Variants in ZNF43 observed in about 807,000 individuals in gnomAD.
The protein encoded by ZNF43 is zinc finger protein 39-like 1 (KOX 27).
Under a neutral mutation model 68.4 loss-of-function variants are expected in ZNF43, and 44 were observed. The ratio of observed to expected loss-of-function variants is 0.64; its 90% confidence interval spans 0.51 to 0.83. The LOEUF (loss-of-function observed/expected upper bound fraction) is 0.83, where lower values mean the gene tolerates loss of function less well. Among genes scored for constraint, ZNF43 ranks in the 40% least tolerant of loss-of-function variants. The probability of loss-of-function intolerance (pLI) is 0.00; values close to 1 mark genes in which losing one functional copy is unlikely to be tolerated. For synonymous variants in ZNF43, 308 were observed against 307.8 expected (o/e 1.00, Z -0.01); for missense variants, 896 against 933.2 (o/e 0.96, Z 0.52).
chr19:21,828,313 T>C (rs2435000), intron 1 of ZNF43, among the ~76,000 whole-genome samples: 86,044 of 152,152 alleles, frequency 0.57, 25,694 homozygotes, highest in African/African-American at 0.77. Context: ...GGCATGGTGA[T>C]TCATGCCTGT....
intron 1 of ZNF43, among the ~76,000 whole-genome samples, chr19:21,851,749 G>C (rs547353731): frequency 1.7e-4 from 26 of 152,238 alleles, no homozygotes; most frequent in African/African-American, 6.0e-4. Context: ...GACGCGGGAG[G>C]CTCGGCTGCG....
At chr19:21,812,929 T>G (rs1437643101) in intron 3 of ZNF43, among the ~76,000 whole-genome samples, 1 of 112,018 alleles carries the variant, frequency 8.9e-6, no homozygotes, top group African/African-American at 5.0e-5. Context: ...TGTGACTCCA[T>G]CTCAAAAAAA....
upstream of ZNF43, chr19:21,839,735 T>C (rs1967384042): frequency 6.6e-6 from 1 of 152,118 alleles, no homozygotes; most frequent in Admixed American, 6.5e-5. Flanking sequence ...AAAGTCACAT[T>C]ATATGGATGA....
intron 1 of ZNF43, among the ~76,000 whole-genome samples, chr19:21,827,910 C>T (rs934033076): frequency 2.0e-5 from 3 of 152,146 alleles, no homozygotes; most frequent in Non-Finnish European, 4.4e-5. Context: ...ATCCACCCGC[C>T]TCAGCCTTCC....
At position 21,822,499 on chromosome 19, in the gene ZNF43, G is replaced by C. The variant is rs938351491; in HGVS notation, c.4-3278C>G. Among the ~76,000 whole-genome samples, 7 of 152,262 alleles carry C rather than the reference G, an allele frequency of 4.6e-5. No homozygotes were observed. In the East Asian group the frequency reaches 1.4e-3, roughly 29 times the overall value. On this transcript the variant is annotated intron_variant, in intron 1 of 3. Transcript: ENST00000354959. ...CTGAACAGAAAAAAAGCAGAGAGAT[G>C]AACCTATGTAGAATTCTGTTCCGTG... is the stretch of plus-strand genomic sequence containing the variant.
At chr19:21,845,370 A>C (rs1164093345) in intron 1 of ZNF43, 1 of 152,072 alleles carries the variant, frequency 6.6e-6, no homozygotes, top group Non-Finnish European at 1.5e-5. Context: ...CTAATGTCAG[A>C]CTCAGTAATA....
At chr19:21,842,406 T>G (rs1967604711) in intron 1 of ZNF43, among the ~76,000 whole-genome samples, 1 of 86,482 alleles carries the variant, frequency 1.2e-5, no homozygotes, top group South Asian at 3.1e-4. Flanking sequence ...AGACTCCATC[T>G]CAAAAAAAAA....
chr19:21,811,486 G>A (rs2037266123), intron 3 of ZNF43, among the ~76,000 whole-genome samples: 1 of 148,054 alleles, frequency 6.8e-6, no homozygotes, highest in South Asian at 2.1e-4. Flanking sequence ...AGTGAGCCAA[G>A]ATCATGCCAC....
At chr19:21,833,067 TACC>T (rs1444169797) in intron 1 of ZNF43, among the ~76,000 whole-genome samples, 3 of 152,202 alleles carry the variant, frequency 2.0e-5, no homozygotes, top group African/African-American at 4.8e-5. Flanking sequence ...ACCACTTATA[TACC>T]ACGTTTTCTT....
intron 3 of ZNF43, among the ~76,000 whole-genome samples, chr19:21,817,416 T>C (rs994951106): frequency 6.6e-6 from 1 of 152,182 alleles, no homozygotes; most frequent in Non-Finnish European, 1.5e-5. Flanking sequence ...ATTCATAATT[T>C]CATATTATTT....
At chr19:21,833,950 C>A (rs774403842) in intron 1 of ZNF43, among the ~76,000 whole-genome samples, 1 of 151,986 alleles carries the variant, frequency 6.6e-6, no homozygotes, top group East Asian at 2.0e-4. Context: ...TCGCTTGAAC[C>A]CAGGAGGCAG....
Position 21,809,644 on chromosome 19 carries a change from A to G in ZNF43, c.393T>C (p.Tyr131=). 1 of 1,612,742 alleles carries G rather than the reference A, an allele frequency of 6.2e-7. No homozygotes were observed. Among genetic ancestry groups the G allele is most frequent in the Non-Finnish European group, 8.5e-7 (1 of 1,179,496 alleles). The change falls in exon 4 of 4, where the codon TAT becomes TAC. Residue 131 remains tyrosine (Y), a synonymous_variant. Transcript: ENST00000354959. The stretch of plus-strand genomic sequence containing the variant: ...CTGGCAAACATTGGTTAAATCCATT[A>G]TAACCTCCTCTGTGCACCTTACACT... ...VDECKVHRGG[Y]NGFNQCLPAT...
In ZNF43 at chr19:21,851,835, T is replaced by G. The variant is rs576083614; in HGVS notation, c.30+70A>C. ...GCGACCAGGACTCAGGAGCGGACTG[T>G]GAGGAGGCCGGTCCCGCCACTTTCA... On this transcript the variant is annotated intron_variant, in intron 1 of 3. Coordinates refer to the ZNF43 transcript ENST00000357491. 3,912 of 1,491,084 alleles carry G rather than the reference T, an allele frequency of 2.6e-3. 8 individuals are homozygous for G. Among genetic ancestry groups the G allele is most frequent in the Non-Finnish European group, 3.1e-3 (3,391 of 1,111,698 alleles). 92.4% of individuals were successfully genotyped at this position (1,491,084 alleles called of 1,614,324 possible). A position where few individuals can be genotyped will look rare whatever the true frequency, so the allele number is the denominator to read the frequency against.
rs1162841291 is a variant in ZNF43 at position 21,808,315 on chromosome 19, AG to A, written c.1721del (p.Ala574ValfsTer69). 1 of 1,612,486 alleles carries A rather than the reference AG, an allele frequency of 6.2e-7. No individual in the cohort carries two copies. Among genetic ancestry groups the A allele is most frequent in the Middle Eastern group, 1.7e-4 (1 of 6,046 alleles). The part of the protein sequence containing the change: ...KPYKCEECGK[A>X]FTQSSNLTTH... ...TAGTAAGGTTTGAGGATTGGGTAAA[AG>A]CTTTGCCACATTCTTCACACTTGTA... On this transcript the variant is annotated frameshift_variant, in exon 4 of 4. Coordinates refer to ENST00000354959, the MANE Select transcript of ZNF43 (RefSeq NM_003423.4). LOFTEE classifies it high-confidence loss of function.
chr19:21,841,435 C>G (rs142119573), intron 1 of ZNF43: 1 of 152,200 alleles, frequency 6.6e-6, no homozygotes. Flanking sequence ...AACAAAGTCA[C>G]GTTACTTGGT....
chr19:21,809,680 T>G lies in ZNF43; in HGVS notation c.357A>C (p.Lys119Asn). The change falls in exon 4 of 4, where the codon AAA (lysine) becomes AAC (asparagine). Residue 119 changes from lysine (K) to asparagine (N), a missense_variant. Physicochemically the swap from Lys to Asn is moderately conservative, Grantham distance 94. Coordinates refer to ENST00000354959, the MANE Select transcript of ZNF43 (RefSeq NM_003423.4). ...HKNVHLKKDH[K>N]SVDECKVHRG... ...TGTGCACCTTACACTCATCCACACT[T>G]TTATGGTCTTTTTTTAAATGTACAT... 1 of 1,613,488 alleles carries G rather than the reference T, an allele frequency of 6.2e-7. No homozygotes were observed. Among genetic ancestry groups the G allele is most frequent in the Non-Finnish European group, 8.5e-7 (1 of 1,179,830 alleles).
In ZNF43 at chr19:21,807,146, T is replaced by A. The variant is rs1411792118; in HGVS notation, c.*461A>T. 1.3e-5 allele frequency: 2 copies of A among 152,366 alleles called. No homozygotes were observed. The highest frequency in any genetic ancestry group is 2.9e-5 in the Non-Finnish European group (2 of 68,154). 9.4% of individuals were successfully genotyped at this position (152,366 alleles called of 1,614,324 possible). The stretch of plus-strand genomic sequence containing the variant: ...GTTTTTTCCAATATAAATTTTCTGA[T>A]GTTGAACAGTATTTGAGCAACTGCT... On this transcript the variant is annotated 3_prime_UTR_variant, in exon 4 of 4. Coordinates refer to ENST00000354959, the MANE Select transcript of ZNF43 (RefSeq NM_003423.4).
At position 21,809,292 on chromosome 19, in the gene ZNF43, T is replaced by C. The variant is rs748399930; in HGVS notation, c.745A>G (p.Lys249Glu). 4 of 1,613,688 alleles carry C rather than the reference T, an allele frequency of 2.5e-6. No homozygotes were observed. Among genetic ancestry groups the C allele is most frequent in the Admixed American group, 1.7e-5 (1 of 59,970 alleles). ...FNWSSRLTTH[K>E]KNYTRYKLYK... ...AGTTTGTATCTAGTATAATTTTTTT[T>C]ATGTGTAGTAAGGCGTGAGGACCAA... Residue 249 changes from lysine (K) to glutamate (E), a missense_variant, in exon 4 of 4, where the codon AAA (lysine) becomes GAA (glutamate). Lys to Glu is a moderately conservative substitution (Grantham distance 56, BLOSUM62 1). Transcript: ENST00000354959.
chr19:21,818,106 AT>A (rs915159999), intron 2 of ZNF43, 120 bp from the exon 3 acceptor site: 64,694 of 832,498 alleles, frequency 0.078, no homozygotes, highest in South Asian at 0.12. Context: ...CAAAATACTA[AT>A]TTTTTTTTTT....
Sources: gnomAD v4.1 joint callset for allele counts (sites outside exome capture counted in the v4.1 genomes callset) on GRCh38, gnomAD v4.1.1 for gene constraint, MANE v1.5 for transcripts, NCBI Gene and HGNC (gene_info 2026-07-23, HGNC 2026-07-21) for gene names.